The following ZNF493 variants were observed in gnomAD, a reference collection of about 807,000 sequenced individuals.
ZNF493 encodes zinc finger protein 493.
ZNF493 carries 11 observed loss-of-function variants against 12.2 expected under a neutral mutation model. The observed-to-expected ratio is 0.90, with a 90% confidence interval of 0.57 to 1.50. The LOEUF (loss-of-function observed/expected upper bound fraction) is 1.50. Among genes scored for constraint, ZNF493 ranks in the 40% most tolerant of loss-of-function variants. ZNF493 has a pLI of 0.00. For missense variants in ZNF493, 950 were observed against 906.6 expected, an observed-to-expected ratio of 1.05 and a Z score of -0.61; for synonymous variants, 286 against 302.6, an observed-to-expected ratio of 0.95 and a Z score of 0.57.
chr19:21,420,856 A>G (rs894620194), intron 3 of ZNF493, among the ~76,000 whole-genome samples: 3 of 150,106 alleles, frequency 2.0e-5, no homozygotes, highest in South Asian at 4.2e-4. Flanking sequence ...TGTTCAGGCA[A>G]TTCTCCTGCC....
intron 3 of ZNF493, among the ~76,000 whole-genome samples, chr19:21,407,119 C>T (rs1261903391): frequency 2.0e-5 from 3 of 151,744 alleles, no homozygotes; most frequent in Admixed American, 6.6e-5. Flanking sequence ...AGGCTGAGGC[C>T]GGTGGATCAC....
In ZNF493 at chr19:21,423,487, A is replaced by G. The variant is rs1434374642; in HGVS notation, c.828A>G (p.Gln276=). ...KCEECGTSFY[Q]FSYLTRHKLI... is the part of the protein sequence containing the mutation. ...AAGAATGTGGCACATCTTTCTACCA[A>G]TTCTCATACCTTACTAGGCATAAGC... The change falls in exon 4 of 4, where the codon CAA becomes CAG. Residue 276 remains glutamine (Q), a synonymous_variant. Coordinates refer to ENST00000392288, the MANE Select transcript of ZNF493 (RefSeq NM_001076678.3). The G allele has an allele frequency of 3.1e-6, 5 of 1,613,504 alleles. No homozygotes were observed. The highest frequency in any genetic ancestry group is 1.7e-5 in the Admixed American group (1 of 59,968).
rs1010300540 is a variant in ZNF493, at chr19:21,425,804, C to G, written c.*820C>G. 11 of 566,496 alleles carry G rather than the reference C, an allele frequency of 1.9e-5. No homozygotes were observed. Among genetic ancestry groups the G allele is most frequent in the Admixed American group, 4.0e-5 (2 of 50,306 alleles). 35.1% of individuals were successfully genotyped at this position (566,496 alleles called of 1,614,324 possible). On this transcript the variant is annotated 3_prime_UTR_variant, in exon 4 of 4. Transcript: ENST00000392288. ...GTGAAGAATGTGGCAAAGCCTTTAT[C>G]CAGTCCTCAACTCCTAGTAAACATA...
At chr19:21,413,700 A>C in intron 3 of ZNF493, 1 of 392,656 alleles carries the variant, frequency 2.5e-6, no homozygotes, top group Non-Finnish European at 4.4e-6. Flanking sequence ...GGAGGAACAC[A>C]AGCATAATCT....
rs917313462 is a variant in ZNF493 at position 21,397,475 on chromosome 19, C to G, written c.30+208C>G. 2.6e-5 allele frequency: 17 copies of G among 653,182 alleles called. No individual in the cohort carries two copies. The Middle Eastern group carries it at 3.5e-3, about 133-fold the overall frequency. 40.5% of individuals were successfully genotyped at this position (653,182 alleles called of 1,614,324 possible). A position where few individuals can be genotyped will look rare whatever the true frequency, so the allele number is the denominator to read the frequency against. ...GGGCCCCGGGCGTCCTGTCTCTTCC[C>G]TGCACTGTGACTGTGCCCTGCCTGG... is the stretch of plus-strand genomic sequence containing the variant. On this transcript the variant is annotated intron_variant, in intron 1 of 3. Coordinates refer to ENST00000392288, the MANE Select transcript of ZNF493 (RefSeq NM_001076678.3).
intron 3 of ZNF493, among the ~76,000 whole-genome samples, chr19:21,420,987 G>T (rs1442231810): frequency 6.6e-6 from 1 of 151,818 alleles, no homozygotes; most frequent in Non-Finnish European, 1.5e-5. Flanking sequence ...ACCTCAGGTT[G>T]TTGGCATGCC....
intron 1 of ZNF493, among the ~76,000 whole-genome samples, chr19:21,404,131 C>T (rs2030038415): frequency 1.3e-5 from 2 of 151,984 alleles, no homozygotes; most frequent in South Asian, 2.1e-4. Flanking sequence ...CCTGAAAGTT[C>T]TGAAAAAAAG....
rs1262824370 is a variant in ZNF493, at chr19:21,423,855, ACAC to A, written c.1197_1199del (p.Thr400del). Reference sequence around the variant, plus strand: ...ACCCTTACTAAACATAAGATAATTCACACTGAAGAGAAATCCCACAGATGTGAA... The same window carrying A: ...ACCCTTACTAAACATAAGATAATTCATGAAGAGAAATCCCACAGATGTGAA... On this transcript the variant is annotated inframe_deletion, in exon 4 of 4. Coordinates refer to ENST00000392288, the MANE Select transcript of ZNF493 (RefSeq NM_001076678.3). 6.2e-7 allele frequency: 1 copy of A among 1,613,434 alleles called. No homozygotes were observed. The highest frequency in any genetic ancestry group is 8.5e-7 in the Non-Finnish European group (1 of 1,179,730).
intron 3 of ZNF493, among the ~76,000 whole-genome samples, chr19:21,420,625 T>A (rs2562414): frequency 7.7e-3 from 138 of 17,862 alleles, no homozygotes; most frequent in Admixed American, 0.014. Flanking sequence ...ATATATATAT[T>A]TTTTTTTTTT....
chr19:21,402,329 A>G (rs149120341), intron 1 of ZNF493, among the ~76,000 whole-genome samples: 104 of 152,126 alleles, frequency 6.8e-4, no homozygotes, highest in African/African-American at 2.3e-3. Context: ...CAGGGATTCA[A>G]TTTCTTATTT....
At chr19:21,420,212 T>C (rs2145302810) in intron 3 of ZNF493, among the ~76,000 whole-genome samples, 1 of 152,332 alleles carries the variant, frequency 6.6e-6, no homozygotes, top group East Asian at 1.9e-4. Flanking sequence ...AACAAAGAGA[T>C]TTACTAATGT....
At chr19:21,419,269 AATTG>A (rs766688574) in intron 3 of ZNF493, among the ~76,000 whole-genome samples, 5 of 152,036 alleles carry the variant, frequency 3.3e-5, no homozygotes, top group Non-Finnish European at 7.4e-5. Flanking sequence ...GGTGTTGGAT[AATTG>A]ATTGGTGTTC....
chr19:21,397,479 A>C (rs1312227336), intron 1 of ZNF493: 2 of 642,388 alleles, frequency 3.1e-6, no homozygotes, highest in Non-Finnish European at 5.6e-6. Context: ...TCTTCCCTGC[A>C]CTGTGACTGT....
In ZNF493 at chr19:21,423,975, G is replaced by A. The variant is rs1261600028; in HGVS notation, c.1316G>A (p.Gly439Asp). 34 of 1,613,366 alleles carry A rather than the reference G, an allele frequency of 2.1e-5. No individual in the cohort carries two copies. Among genetic ancestry groups the A allele is most frequent in the Non-Finnish European group, 2.4e-5 (28 of 1,179,822 alleles). Residue 439 changes from glycine to aspartate, a missense_variant, in exon 4 of 4, where the codon GGC (glycine) becomes GAC (aspartate). Transcript: ENST00000392288. The stretch of plus-strand genomic sequence containing the variant: ...AAACCCTACAAATGTGAAGAATGTG[G>A]CAAAACCTTTAGTGTATTCTCAATT... The part of the protein sequence containing the change: ...GEKPYKCEEC[G>D]KTFSVFSILT...
At chr19:21,419,054 T>C (rs2030577371) in intron 3 of ZNF493, among the ~76,000 whole-genome samples, 1 of 152,224 alleles carries the variant, frequency 6.6e-6, no homozygotes, top group East Asian at 1.9e-4. Flanking sequence ...CTCTGAGTAA[T>C]CTTTCAAATT....
chr19:21,424,334 C>G lies in ZNF493; in HGVS notation c.1675C>G (p.His559Asp), dbSNP rs764943842. 2 of 1,611,600 alleles carry G rather than the reference C, an allele frequency of 1.2e-6. No homozygotes were observed. The highest frequency in any genetic ancestry group is 1.7e-6 in the Non-Finnish European group (2 of 1,179,132). Residue 559 changes from histidine to aspartate, a missense_variant, in exon 4 of 4, where the codon CAC becomes GAC. Physicochemically the swap from His to Asp is moderately conservative, Grantham distance 81 (BLOSUM62 -1). Transcript: ENST00000392288. ...ECGKAFNRSS[H>D]LTTHKRIHTG... Reference sequence around the variant, plus strand: ...TGGCAAAGCTTTTAATCGGTCCTCACACCTTACTACACATAAGAGAATTCA... The same window carrying G: ...TGGCAAAGCTTTTAATCGGTCCTCAGACCTTACTACACATAAGAGAATTCA...
At chr19:21,420,736 ATTC>A (rs1460185173) in intron 3 of ZNF493, among the ~76,000 whole-genome samples, 8 of 112,072 alleles carry the variant, frequency 7.1e-5, no homozygotes, top group Non-Finnish European at 1.4e-4. Context: ...TCATAAGAGT[ATTC>A]TTGCAAATAA....
At chr19:21,421,237 T>C (rs1165641011) in intron 3 of ZNF493, among the ~76,000 whole-genome samples, 1 of 152,190 alleles carries the variant, frequency 6.6e-6, no homozygotes, top group Non-Finnish European at 1.5e-5. Flanking sequence ...CTAATTTGTT[T>C]ACTAATGTTT....
rs1212555724 is a variant in ZNF493, at chr19:21,426,536, A to G, written c.*1552A>G. 6.0e-6 allele frequency: 1 copy of G among 166,994 alleles called. No homozygotes were observed. The highest frequency in any genetic ancestry group is 1.5e-5 in the Non-Finnish European group (1 of 68,112). The allele number at this position is 166,994 out of a possible 1,614,324, so 10.3% of individuals were successfully genotyped here. ...TTACAACCATAAAGAGGGTTGAAGTACCTTTACTTGTATCAGATCTTATTG... is the reference window on the plus strand; with the variant it reads ...TTACAACCATAAAGAGGGTTGAAGTGCCTTTACTTGTATCAGATCTTATTG... On this transcript the variant is annotated 3_prime_UTR_variant, in exon 4 of 4. Coordinates refer to ENST00000392288, the MANE Select transcript of ZNF493 (RefSeq NM_001076678.3).
Sources: allele counts gnomAD v4.1 joint callset (sites outside exome capture counted in the v4.1 genomes callset), GRCh38; gene constraint gnomAD v4.1.1; transcripts MANE v1.5; gene names NCBI Gene and HGNC (gene_info 2026-07-23, HGNC 2026-07-21).